ZGPAT: variants seen among roughly 807,000 people sequenced by gnomAD.
ZGPAT encodes zinc finger CCCH-type and G-patch domain containing, also known as zinc finger CCCH-type with G patch domain-containing protein.
Under a neutral mutation model 47.9 loss-of-function variants are expected in ZGPAT, and 39 were observed. The observed-to-expected ratio is 0.81, with a 90% CI of 0.63 to 1.06. ZGPAT has a LOEUF of 1.06. ZGPAT is among the 50% of genes least tolerant of loss of function. The pLI is 0.00. For synonymous variants in ZGPAT, 348 were observed against 292.9 expected, an observed-to-expected ratio of 1.19 and a Z score of -1.92; for missense variants, 717 against 681.4, an observed-to-expected ratio of 1.05 and a Z score of -0.58.
At chr20:63,714,842 C>G (rs563915780) in intron 2 of ZGPAT, among the ~76,000 whole-genome samples, 144 of 152,032 alleles carry the variant, frequency 9.5e-4, no homozygotes, top group African/African-American at 3.2e-3. Flanking sequence ...TAGGGTCCTG[C>G]TTTGCTGCCC....
Position 63,735,462 on chromosome 20 carries a change from A to C in ZGPAT, c.1295A>C (p.Lys432Thr). ...ATGTACCATGCCAGCAAGAGTGCCA[A>C]GCGGGCCCTGAGCCTGCGGCTCTTC... Reference protein sequence around the residue: ...KDMYHASKSAKRALSLRLFQT... With the variant: ...KDMYHASKSATRALSLRLFQT... The change falls in exon 6 of 7, where the codon AAG (lysine) becomes ACG (threonine). Residue 432 changes from lysine (K) to threonine (T), a missense_variant. Transcript: ENST00000355969. 1 of 1,564,936 alleles carries C rather than the reference A, an allele frequency of 6.4e-7. No individual in the cohort carries two copies. Among genetic ancestry groups the C allele is most frequent in the Non-Finnish European group, 8.6e-7 (1 of 1,159,604 alleles).
At chr20:63,720,482 C>T (rs1009800478) in intron 2 of ZGPAT, among the ~76,000 whole-genome samples, 14 of 150,910 alleles carry the variant, frequency 9.3e-5, no homozygotes, top group African/African-American at 3.2e-4. Context: ...GACAAAGTCT[C>T]CCTCTCTCAC....
chr20:63,735,734 G>C (rs1308424995), intron 6 of ZGPAT, 47 bp from the exon 7 acceptor site: 1 of 1,559,006 alleles, frequency 6.4e-7, no homozygotes, highest in East Asian at 2.4e-5. Context: ...GACTGGGGTT[G>C]GTGGCATGGC....
Position 63,708,724 on chromosome 20 carries a change from G to T in ZGPAT, c.144G>T (p.Glu48Asp). ...QLQGDLKELI[E>D]LTEASLVSVR... ...AGGGGGACCTGAAGGAGCTCATCGA[G>T]CTCACCGAGGCCAGCCTGGTGTCTG... Residue 48 changes from glutamate (E) to aspartate (D), a missense_variant, in exon 2 of 7, where the codon GAG becomes GAT. By Grantham distance (45) the Glu-to-Asp change is conservative (BLOSUM62 2). Coordinates refer to ENST00000355969, the MANE Select transcript of ZGPAT (RefSeq NM_181485.3). 9 of 1,612,778 alleles carry T rather than the reference G, an allele frequency of 5.6e-6. No homozygotes were observed. The highest frequency in any genetic ancestry group is 7.6e-6 in the Non-Finnish European group (9 of 1,179,904).
chr20:63,724,984 C>CTTTT (rs35291396), intron 2 of ZGPAT, among the ~76,000 whole-genome samples: 1 of 125,894 alleles, frequency 7.9e-6, no homozygotes, highest in Non-Finnish European at 1.7e-5. Context: ...TTTAGAATTT[C>CTTTT]TTTTTTTTTT....
chr20:63,715,071 C>T (rs867870811), intron 2 of ZGPAT, among the ~76,000 whole-genome samples: 8 of 151,936 alleles, frequency 5.3e-5, no homozygotes, highest in East Asian at 1.9e-4. Context: ...AGATAAAGCA[C>T]GCATATTCAT....
At chr20:63,724,675 T>TTC (rs1358210660) in intron 2 of ZGPAT, among the ~76,000 whole-genome samples, 21 of 97,900 alleles carry the variant, frequency 2.1e-4, no homozygotes, top group Non-Finnish European at 4.7e-4. Flanking sequence ...CATTTAGAAT[T>TTC]TTTTTTTTTT....
intron 2 of ZGPAT, among the ~76,000 whole-genome samples, chr20:63,709,751 T>C (rs181119498): frequency 6.6e-6 from 1 of 151,804 alleles, no homozygotes. Context: ...TAGTCCTGGC[T>C]CACTGCAGCC....
rs771849260 is a variant in ZGPAT at position 63,708,555 on chromosome 20, C to G, written c.-26C>G. The G allele has an allele frequency of 6.4e-7, 1 of 1,557,948 alleles. No homozygotes were observed. ...TCAGCTGGCTTCTCTTCTTGCAGCC[C>G]TGGTCCAGCGCCTCCCTCTCTCAGC... is the stretch of plus-strand genomic sequence containing the variant. On this transcript the variant is annotated splice_region_variant and 5_prime_UTR_variant, in exon 2 of 7. Transcript: ENST00000355969.
intron 2 of ZGPAT, among the ~76,000 whole-genome samples, chr20:63,732,993 CGT>C (rs966975987): frequency 4.7e-5 from 7 of 148,238 alleles, no homozygotes; most frequent in Middle Eastern, 3.6e-3. Context: ...TCTGTATGTG[CGT>C]GTGTATATGT....
Position 63,735,394 on chromosome 20 carries a change from C to A in ZGPAT, c.1227C>A (p.Ala409=). 1 of 1,557,784 alleles carries A rather than the reference C, an allele frequency of 6.4e-7. No individual in the cohort carries two copies. Among genetic ancestry groups the A allele is most frequent in the Admixed American group, 2.0e-5 (1 of 49,894 alleles). ...AGCTGCAAGGTCAGGCTCCTGGGGC[C>A]CTAGAAGCCGGGGCGGCCCCAGCGG... ...NEKLQGQAPG[A]LEAGAAPAGR... is the part of the protein sequence containing the mutation. Residue 409 remains alanine (A), a synonymous_variant, in exon 6 of 7, where the codon GCC becomes GCA. Transcript: ENST00000355969.
intron 2 of ZGPAT, among the ~76,000 whole-genome samples, chr20:63,720,293 C>A (rs2091774469): frequency 6.6e-6 from 1 of 151,706 alleles, no homozygotes. Context: ...GTAGCTGGGA[C>A]TATAGGTGCG....
intron 2 of ZGPAT, among the ~76,000 whole-genome samples, chr20:63,721,610 C>T (rs1568791304): frequency 6.6e-6 from 1 of 152,150 alleles, no homozygotes; most frequent in African/African-American, 2.4e-5. Context: ...TTCCAAAGCC[C>T]TTAGACCTTC....
intron 2 of ZGPAT, among the ~76,000 whole-genome samples, chr20:63,714,992 GT>G (rs1285297152): frequency 3.3e-5 from 5 of 151,890 alleles, no homozygotes; most frequent in African/African-American, 9.7e-5. Flanking sequence ...ATCATGTGTG[GT>G]TTTTTTCCTT....
At chr20:63,726,530 T>TGTTC (rs2091848000) in intron 2 of ZGPAT, among the ~76,000 whole-genome samples, 1 of 148,864 alleles carries the variant, frequency 6.7e-6, no homozygotes, top group South Asian at 2.1e-4. Context: ...TTTGTTTGTT[T>TGTTC]GTTTGTTTTT....
chr20:63,718,195 G>A (rs2091750775), intron 2 of ZGPAT, among the ~76,000 whole-genome samples: 1 of 151,894 alleles, frequency 6.6e-6, no homozygotes, highest in African/African-American at 2.4e-5. Context: ...CCACTTGGCT[G>A]TTTTGTTCTG....
Position 63,708,988 on chromosome 20 carries a change from G to A in ZGPAT, c.408G>A (p.Ala136=). The A allele has an allele frequency of 1.2e-6, 2 of 1,613,532 alleles. No individual in the cohort carries two copies. Among genetic ancestry groups the A allele is most frequent in the African/African-American group, 2.7e-5 (2 of 75,042 alleles). Residue 136 remains alanine (A), a synonymous_variant, in exon 2 of 7, where the codon GCG becomes GCA. Coordinates refer to ENST00000355969, the MANE Select transcript of ZGPAT (RefSeq NM_181485.3). ...EEELSGTKVS[A]PYYSSWGTLE... is the part of the protein sequence containing the mutation. ...AGCTGAGTGGGACAAAGGTGAGCGC[G>A]CCCTACTACAGCTCCTGGGGCACTC... is the stretch of plus-strand genomic sequence containing the variant.
At chr20:63,726,497 AT>A (rs890554718) in intron 2 of ZGPAT, among the ~76,000 whole-genome samples, 12 of 133,094 alleles carry the variant, frequency 9.0e-5, no homozygotes, top group South Asian at 5.1e-4. Context: ...CCGGCCTTGA[AT>A]TTTTTTTTAA....
At position 63,708,094 on chromosome 20, in the gene ZGPAT, A is replaced by AG. The variant is rs1358159017; in HGVS notation, c.-48dup. ...GTGCCGATCGGCTGCTGGGGCGAAA[A>AG]GGGGGCGCCGGGCCGCTCTAGCCGG... On this transcript the variant is annotated 5_prime_UTR_variant, in exon 1 of 7. Transcript: ENST00000355969. The AG allele has an allele frequency of 6.6e-6, 1 of 151,872 alleles. No individual in the cohort carries two copies. 9.4% of individuals were successfully genotyped at this position (151,872 alleles called of 1,614,324 possible). A position where few individuals can be genotyped will look rare whatever the true frequency, so the allele number is the denominator to read the frequency against.
Sources: allele counts gnomAD v4.1 joint callset (sites outside exome capture counted in the v4.1 genomes callset), GRCh38; gene constraint gnomAD v4.1.1; transcripts MANE v1.5; gene names NCBI Gene and HGNC (gene_info 2026-07-23, HGNC 2026-07-21).